Variants in EPHB2 observed in about 807,000 individuals in gnomAD.
The protein encoded by EPHB2 is EPH receptor B2.
Under a neutral mutation model 96.4 loss-of-function variants are expected in EPHB2, and 18 were observed. That is an observed-to-expected ratio of 0.19 (90% CI 0.13 to 0.28). The LOEUF is 0.28. Ranked by LOEUF, EPHB2 falls within the 10% of genes least tolerant of loss-of-function variation. The probability of loss-of-function intolerance (pLI) is 1.00; values close to 1 mark genes in which losing one functional copy is unlikely to be tolerated. For missense variants in EPHB2, 989 were observed against 1,355.4 expected (o/e 0.73, Z 4.25); for synonymous variants, 506 against 534.1 (o/e 0.95, Z 0.72).
At chr1:22,883,012 C>T (rs1039884196) in intron 6 of EPHB2, among the ~76,000 whole-genome samples, 3 of 152,206 alleles carry the variant, frequency 2.0e-5, no homozygotes, top group East Asian at 1.9e-4. Context: ...TAATTACTCC[C>T]TTTGGGTGGA....
intron 1 of EPHB2, among the ~76,000 whole-genome samples, chr1:22,758,443 G>A (rs1644185966): frequency 6.6e-6 from 1 of 152,078 alleles, no homozygotes; most frequent in Non-Finnish European, 1.5e-5. Context: ...GCACCAGGCA[G>A]TCCTTAGTCA....
Position 22,784,729 on chromosome 1 carries a change from G to A in EPHB2, c.464G>A (p.Arg155His), listed in dbSNP as rs185887197. The change falls in exon 3 of 16, where the codon CGC (arginine) becomes CAC (histidine). Residue 155 changes from arginine to histidine, a missense_variant. Arg to His is a conservative substitution (Grantham distance 29, BLOSUM62 0). Transcript: ENST00000374630. This position sits in a 1 kb window ranked among gnomAD's most constrained non-coding sequence, Gnocchi z 5.1. ...TTCTCCCAGGTGGACCTGGGTGGCC[G>A]CGTCATGAAAATCAACACCGAGGTG... Reference protein sequence around the residue: ...ESFSQVDLGGRVMKINTEVRS... With the variant: ...ESFSQVDLGGHVMKINTEVRS... 113 of 1,612,992 alleles carry A rather than the reference G, an allele frequency of 7.0e-5. No homozygotes were observed. The highest frequency in any genetic ancestry group is 2.0e-4 in the Admixed American group (12 of 60,008).
At position 22,742,364 on chromosome 1, in the gene EPHB2, G is replaced by A. The variant is rs182738303; in HGVS notation, c.61+31321G>A. ...GAGGAAAGTTGGTAGAAAGGGTGGG[G>A]GCAGGGGCAAAGCTGAGAGCCGGAG... is the stretch of plus-strand genomic sequence containing the variant. On this transcript the variant is annotated intron_variant, in intron 1 of 15. Coordinates refer to ENST00000374630, the MANE Select transcript of EPHB2 (RefSeq NM_017449.5). Among the ~76,000 whole-genome samples the A allele has an allele frequency of 5.3e-5, 8 of 152,254 alleles. No homozygotes were observed. In the East Asian group the frequency reaches 1.4e-3, roughly 26 times the overall value.
intron 3 of EPHB2, among the ~76,000 whole-genome samples, chr1:22,856,281 C>T (rs760027472): frequency 6.6e-6 from 1 of 152,206 alleles, no homozygotes; most frequent in Admixed American, 6.5e-5. Flanking sequence ...CTCACTTGGT[C>T]AATTATCACC....
chr1:22,908,237 T>C (rs1639980357), intron 12 of EPHB2, 69 bp downstream of exon 12: 11 of 1,575,534 alleles, frequency 7.0e-6, no homozygotes, highest in South Asian at 5.6e-5. Flanking sequence ...CATCTCTCCC[T>C]GCAAGACACT....
chr1:22,865,884 C>T (rs937389762), intron 5 of EPHB2, among the ~76,000 whole-genome samples: 9 of 152,174 alleles, frequency 5.9e-5, no homozygotes, highest in Non-Finnish European at 1.2e-4. Flanking sequence ...TCCTCAAGCT[C>T]ACCTTTAGTA....
intron 13 of EPHB2, 113 bp downstream of exon 13, chr1:22,909,284 G>T: frequency 4.5e-6 from 7 of 1,539,264 alleles, no homozygotes; most frequent in Non-Finnish European, 6.2e-6. Context: ...AGGCTTCTGA[G>T]ATCATGGGCC....
At chr1:22,826,073 G>T (rs917711884) in intron 3 of EPHB2, among the ~76,000 whole-genome samples, 7 of 152,170 alleles carry the variant, frequency 4.6e-5, no homozygotes, top group Admixed American at 3.9e-4. Flanking sequence ...GCACTGGGGA[G>T]CCACGGCCAG....
At chr1:22,748,933 C>T (rs991965073) in intron 1 of EPHB2, among the ~76,000 whole-genome samples, 5 of 150,598 alleles carry the variant, frequency 3.3e-5, no homozygotes, top group African/African-American at 4.9e-5. Flanking sequence ...TTATGAAAAC[C>T]AACAAGGTAG....
Position 22,919,423 on chromosome 1 carries a change from T to C in EPHB2, c.*5853T>C, listed in dbSNP as rs1456681534. 2 of 152,206 alleles carry C rather than the reference T, an allele frequency of 1.3e-5. No individual in the cohort carries two copies. Among genetic ancestry groups the C allele is most frequent in the Non-Finnish European group, 2.9e-5 (2 of 68,058 alleles). 9.4% of individuals were successfully genotyped at this position (152,206 alleles called of 1,614,324 possible). A position where few individuals can be genotyped will look rare whatever the true frequency, so the allele number is the denominator to read the frequency against. On this transcript the variant is annotated 3_prime_UTR_variant, in exon 16 of 16. Coordinates refer to ENST00000374630, the MANE Select transcript of EPHB2 (RefSeq NM_017449.5). ...ATGAAGGCTGCCTTGAGAAAGCTGATATAACAAGAAGCAGCAGAAATTTAA... is the reference window on the plus strand; with the variant it reads ...ATGAAGGCTGCCTTGAGAAAGCTGACATAACAAGAAGCAGCAGAAATTTAA...
rs532122903 is a variant in EPHB2 at position 22,914,548 on chromosome 1, T to C, written c.*978T>C. 6.5e-6 allele frequency: 1 copy of C among 152,724 alleles called. No homozygotes were observed. The highest frequency in any genetic ancestry group is 1.9e-4 in the East Asian group (1 of 5,178). The allele number at this position is 152,724 out of a possible 1,614,324, so 9.5% of individuals were successfully genotyped here. A position where few individuals can be genotyped will look rare whatever the true frequency, so the allele number is the denominator to read the frequency against. ...GTTTGTTGGGTTGTTTTTTGTTTTT[T>C]GGTTTTTTTTAATGACAATGAAGTG... is the stretch of plus-strand genomic sequence containing the variant. On this transcript the variant is annotated 3_prime_UTR_variant, in exon 16 of 16. Coordinates refer to ENST00000374630, the MANE Select transcript of EPHB2 (RefSeq NM_017449.5).
At position 22,909,090 on chromosome 1, in the gene EPHB2, T is replaced by A; in HGVS notation, c.2421T>A (p.Ser807Arg). Residue 807 changes from serine (S) to arginine (R), a missense_variant, in exon 13 of 16, where the codon AGT becomes AGA. Coordinates refer to ENST00000374630, the MANE Select transcript of EPHB2 (RefSeq NM_017449.5). ...AIQYRKFTSA[S>R]DVWSYGIVMW... ...AGTACCGGAAGTTCACCTCGGCCAG[T>A]GATGTGTGGAGCTACGGCATTGTCA... 1.2e-6 allele frequency: 2 copies of A among 1,614,014 alleles called. No individual in the cohort carries two copies. The highest frequency in any genetic ancestry group is 8.5e-7 in the Non-Finnish European group (1 of 1,179,986).
In EPHB2 at chr1:22,745,750, A is replaced by G. The variant is rs372535375; in HGVS notation, c.61+34707A>G. On this transcript the variant is annotated intron_variant, in intron 1 of 15. Transcript: ENST00000374630. ...CCTAGCTCACGGTGGGCGCTTGGCA[A>G]TGGGGGGCTTTGTTGATGTCATTCA... Among the ~76,000 whole-genome samples the G allele has an allele frequency of 1.6e-4, 25 of 152,036 alleles. No homozygotes were observed. The East Asian group carries it at 4.9e-3, about 30-fold the overall frequency.
intron 5 of EPHB2, among the ~76,000 whole-genome samples, chr1:22,868,652 G>A (rs1231708079): frequency 6.6e-6 from 1 of 151,892 alleles, no homozygotes; most frequent in East Asian, 1.9e-4. Context: ...GAGCATGGAG[G>A]GAGCCAACCA....
intron 3 of EPHB2, among the ~76,000 whole-genome samples, chr1:22,817,951 T>C (rs965991145): frequency 6.6e-6 from 1 of 152,150 alleles, no homozygotes; most frequent in African/African-American, 2.4e-5. Flanking sequence ...GTATAAGCTG[T>C]GGAACTGCTG....
chr1:22,857,660 A>G (rs1645721031), intron 3 of EPHB2, among the ~76,000 whole-genome samples: 1 of 152,102 alleles, frequency 6.6e-6, no homozygotes, highest in South Asian at 2.1e-4. Context: ...GGGAGAACAA[A>G]TGGGAGGCAG....
chr1:22,837,097 A>G (rs1645396894), intron 3 of EPHB2, among the ~76,000 whole-genome samples: 1 of 152,222 alleles, frequency 6.6e-6, no homozygotes, highest in Non-Finnish European at 1.5e-5. Context: ...AGAAGTCTGC[A>G]GACAGGCTTG....
At chr1:22,802,505 AAG>A (rs1644859263) in intron 3 of EPHB2, among the ~76,000 whole-genome samples, 2 of 152,110 alleles carry the variant, frequency 1.3e-5, no homozygotes. Context: ...TCTAAGGCCA[AAG>A]ACTATGCCCT....
intron 1 of EPHB2, among the ~76,000 whole-genome samples, chr1:22,718,450 A>G (rs546622132): frequency 1.1e-4 from 16 of 143,262 alleles, no homozygotes; most frequent in African/African-American, 4.1e-4. Context: ...CAGTGGTGCA[A>G]TCTCGGCTCA....
Sources: allele counts gnomAD v4.1 joint callset (sites outside exome capture counted in the v4.1 genomes callset), GRCh38; gene constraint gnomAD v4.1.1; non-coding constraint Gnocchi (gnomAD v3.1); transcripts MANE v1.5; gene names NCBI Gene and HGNC (gene_info 2026-07-23, HGNC 2026-07-21).